The following RIF1 variants were observed in gnomAD, a reference collection of about 807,000 sequenced individuals.
The protein encoded by RIF1 is replication timing regulatory factor 1.
A neutral mutation model predicts 247.1 loss-of-function variants in RIF1; 45 were observed. The observed-to-expected ratio is 0.18, with a 90% CI of 0.14 to 0.23. The LOEUF (loss-of-function observed/expected upper bound fraction) is 0.23. Among genes scored for constraint, RIF1 ranks in the 10% least tolerant of loss-of-function variants. The pLI, the probability that RIF1 is intolerant of heterozygous loss-of-function variation, is 1.00. For synonymous variants in RIF1, 1,087 were observed against 978.8 expected (o/e 1.11, Z -2.06); for missense variants, 2,967 against 2,862.5 (o/e 1.04, Z -0.83).
chr2:151,524,923 C>T, the RIF1 span, among the ~76,000 whole-genome samples: 2 of 152,058 alleles, frequency 1.3e-5, no homozygotes, highest in Non-Finnish European at 2.9e-5. Flanking sequence ...GTCTTGGGCT[C>T]CCAAAGTGCT....
In RIF1 at chr2:151,462,906, T is replaced by C. The variant is rs774881596; in HGVS notation, c.3386T>C (p.Ile1129Thr). ...MITEEQMDSD[I>T]VIPQDVTEDC... ...CAGGAGGAGCAAATGGACAGTGACATTGTCATTCCTCAAGATGTCACGGAA... is the reference window on the plus strand; with the variant it reads ...CAGGAGGAGCAAATGGACAGTGACACTGTCATTCCTCAAGATGTCACGGAA... The change falls in exon 30 of 36, where the codon ATT (isoleucine) becomes ACT (threonine). Residue 1129 changes from isoleucine (I) to threonine (T), a missense_variant. Physicochemically the swap from Ile to Thr is moderately conservative, Grantham distance 89 (BLOSUM62 -1). Transcript: ENST00000444746. The C allele has an allele frequency of 1.9e-5, 30 of 1,607,440 alleles. No homozygotes were observed. The highest frequency in any genetic ancestry group is 1.7e-4 in the Middle Eastern group (1 of 6,030).
At chr2:151,492,401 G>C (rs200804762) in intron 9 of RIF1, 3 of 1,604,562 alleles carry the variant, frequency 1.9e-6, no homozygotes, top group Non-Finnish European at 2.6e-6. Context: ...GAGATGTGCC[G>C]TTGGGTCTCC....
chr2:151,514,064 A>G, the RIF1 span, among the ~76,000 whole-genome samples: 1 of 152,244 alleles, frequency 6.6e-6, no homozygotes, highest in Non-Finnish European at 1.5e-5. Context: ...CACCAAATAT[A>G]TCAAGTTAAA....
intron 16 of RIF1, 112 bp from the exon 17 acceptor site, chr2:151,443,147 C>T: frequency 2.8e-6 from 2 of 704,346 alleles, no homozygotes; most frequent in Non-Finnish European, 4.7e-6. Flanking sequence ...TAAGTAATGC[C>T]AAAAGTTAAA....
At chr2:151,493,168 T>C (rs1271834221) in intron 9 of RIF1, 2 of 554,958 alleles carry the variant, frequency 3.6e-6, no homozygotes, top group Non-Finnish European at 3.2e-6. Flanking sequence ...TCTATTTTAG[T>C]GTAAATTTTC....
At chr2:151,489,937 A>G (rs1196538937) in intron 9 of RIF1, 9 of 1,482,634 alleles carry the variant, frequency 6.1e-6, no homozygotes, top group Non-Finnish European at 8.5e-6. Context: ...AAAAATTAAG[A>G]ATAATTTATT....
the RIF1 span, chr2:151,531,042 G>C: frequency 1.2e-6 from 2 of 1,613,560 alleles, no homozygotes; most frequent in Non-Finnish European, 1.7e-6. Context: ...ACATGGGTGT[G>C]TCGTGGATTG....
Position 151,410,535 on chromosome 2 carries a change from C to A in RIF1, c.104+8C>A. 6.2e-7 allele frequency: 1 copy of A among 1,609,454 alleles called. No homozygotes were observed. Among genetic ancestry groups the A allele is most frequent in the South Asian group, 1.1e-5 (1 of 90,714 alleles). On this transcript the variant is annotated splice_region_variant and intron_variant, in intron 2 of 35. Transcript: ENST00000444746. Reference sequence around the variant, plus strand: ...TTACCTGACTCTGACCAGGTGAGGTCCGCCACGGGGCGTAGCGGAGAGTGG... The same window carrying A: ...TTACCTGACTCTGACCAGGTGAGGTACGCCACGGGGCGTAGCGGAGAGTGG...
chr2:151,458,788 ATATT>A lies in RIF1; in HGVS notation c.2856-21_2856-18del. 1 of 1,415,052 alleles carries A rather than the reference ATATT, an allele frequency of 7.1e-7. No homozygotes were observed. Among genetic ancestry groups the A allele is most frequent in the Non-Finnish European group, 9.9e-7 (1 of 1,008,012 alleles). 87.7% of individuals were successfully genotyped at this position (1,415,052 alleles called of 1,614,324 possible). ...ACCAGTACTACTTGACTTAAGGTAT[ATATT>A]TTATGTACTTTTTTAAAGACCAGTA... On this transcript the variant is annotated intron_variant, in intron 24 of 35. Coordinates refer to ENST00000444746, the MANE Select transcript of RIF1 (RefSeq NM_018151.5).
At chr2:151,444,811 A>G (rs926304345) in intron 18 of RIF1, among the ~76,000 whole-genome samples, 4 of 152,218 alleles carry the variant, frequency 2.6e-5, no homozygotes, top group Admixed American at 2.6e-4. Context: ...ACTTAAACAT[A>G]GTGCATAATT....
At position 151,461,280 on chromosome 2, in the gene RIF1, A is replaced by G; in HGVS notation, c.3218A>G (p.Lys1073Arg). 1.2e-6 allele frequency: 2 copies of G among 1,612,182 alleles called. No homozygotes were observed. Among genetic ancestry groups the G allele is most frequent in the Non-Finnish European group, 8.5e-7 (1 of 1,179,618 alleles). Residue 1073 changes from lysine (K) to arginine (R), a missense_variant, in exon 27 of 36, where the codon AAA becomes AGA. Transcript: ENST00000444746. The stretch of plus-strand genomic sequence containing the variant: ...ACTGATCATCAAAAAGAAGTTCTCA[A>G]AACAAAGCGGTTTGTAGGCCTTTTA... ...ILTDHQKEVL[K>R]TKRCDIPAMY...
At chr2:151,485,576 T>C (rs1283962742), downstream of RIF1, 4 of 468,118 alleles carry the variant, frequency 8.5e-6, no homozygotes, top group African/African-American at 7.8e-5. Flanking sequence ...GCAGAAGCTT[T>C]TAAAGTGTCT....
Position 151,442,767 on chromosome 2 carries a change from A to ATTT in RIF1, c.1735-470_1735-468dup, listed in dbSNP as rs59128582. Among the ~76,000 whole-genome samples, 352 of 104,028 alleles carry ATTT rather than the reference A, an allele frequency of 3.4e-3. 10 individuals carry two copies. The highest frequency in any genetic ancestry group is 0.033 in the East Asian group (106 of 3,228). 68.2% of individuals were successfully genotyped at this position (104,028 alleles called of 152,430 possible). On this transcript the variant is annotated intron_variant, in intron 16 of 35. Coordinates refer to ENST00000444746, the MANE Select transcript of RIF1 (RefSeq NM_018151.5). Reference sequence around the variant, plus strand: ...CTATGATTAGACTATAAAGAGCTTGATTTTTTTTTTTTTTTTTTTTTTTTG... The same window carrying ATTT: ...CTATGATTAGACTATAAAGAGCTTGATTTTTTTTTTTTTTTTTTTTTTTTTTTG...
At chr2:151,434,717 G>A (rs1435752871) in intron 10 of RIF1, among the ~76,000 whole-genome samples, 1 of 152,162 alleles carries the variant, frequency 6.6e-6, no homozygotes, top group Non-Finnish European at 1.5e-5. Context: ...TGGGATTACA[G>A]GCATGAGCCA....
chr2:151,485,311 A>G (rs1013517412), downstream of RIF1: 2 of 151,902 alleles, frequency 1.3e-5, no homozygotes, highest in Non-Finnish European at 2.9e-5. Context: ...ACCATTAAAC[A>G]TAAATAATGC....
At chr2:151,410,645 A>T in intron 2 of RIF1, 118 bp downstream of exon 2, 1 of 830,188 alleles carries the variant, frequency 1.2e-6, no homozygotes, top group South Asian at 1.6e-5. Context: ...AAATGTGAGG[A>T]CGCCCGAGTC....
intron 11 of RIF1, chr2:151,499,618 A>ATATT: frequency 2.8e-6 from 1 of 351,040 alleles, no homozygotes; most frequent in Admixed American, 4.5e-5. Flanking sequence ...TAACTTGAAT[A>ATATT]TATTTATTTC....
chr2:151,526,074 G>A, the RIF1 span: 1 of 1,613,424 alleles, frequency 6.2e-7, no homozygotes, highest in Non-Finnish European at 8.5e-7. Context: ...TTGTTCTGGG[G>A]GAATCCATAG....
chr2:151,418,514 TA>T (rs919332847), intron 6 of RIF1, among the ~76,000 whole-genome samples: 1 of 152,224 alleles, frequency 6.6e-6, no homozygotes, highest in Non-Finnish European at 1.5e-5. Flanking sequence ...CAGCTTACTG[TA>T]ACTTTAAAAT....
Sources: allele counts gnomAD v4.1 joint callset (sites outside exome capture counted in the v4.1 genomes callset), GRCh38; gene constraint gnomAD v4.1.1; transcripts MANE v1.5; gene names NCBI Gene and HGNC (gene_info 2026-07-23, HGNC 2026-07-21).